Variants in H2BC12 observed in about 807,000 individuals in gnomAD.
H2BC12 encodes the protein H2B clustered histone 12.
A neutral mutation model predicts 6.3 loss-of-function variants in H2BC12; 6 were observed. The observed-to-expected ratio is 0.95, with a 90% CI of 0.52 to 1.87. The LOEUF (loss-of-function observed/expected upper bound fraction) is 1.87, where lower values mean the gene tolerates loss of function less well. Ranked by LOEUF, H2BC12 falls within the 40% of genes most tolerant of loss-of-function variation. H2BC12 has a pLI of 0.01. For synonymous variants in H2BC12, 132 were observed against 78.5 expected (o/e 1.68, Z -3.60); for missense variants, 119 against 178.4 (o/e 0.67, Z 1.90).
downstream of H2BC12, among the ~76,000 whole-genome samples, chr6:27,143,667 G>A (rs1760034435): frequency 6.6e-6 from 1 of 150,814 alleles, no homozygotes; most frequent in South Asian, 2.1e-4. Context: ...CCTAACCACA[G>A]TTAAATAAAC....
At chr6:27,141,261 AAG>A in the H2BC12 span, among the ~76,000 whole-genome samples, 1 of 152,182 alleles carries the variant, frequency 6.6e-6, no homozygotes, top group Non-Finnish European at 1.5e-5. Flanking sequence ...GAAAGGGTGA[AAG>A]AGGAAAGTAA....
At chr6:27,145,769 G>C (rs987357095), downstream of H2BC12, among the ~76,000 whole-genome samples, 2 of 152,304 alleles carry the variant, frequency 1.3e-5, no homozygotes, top group Middle Eastern at 6.8e-3. Context: ...ATGATTTCAT[G>C]TTCCGTTTCT....
In H2BC12 at chr6:27,146,425, G is replaced by A. The variant is rs1581435777; in HGVS notation, c.374C>T (p.Ala125Val). 2 of 1,614,240 alleles carry A rather than the reference G, an allele frequency of 1.2e-6. No individual in the cohort carries two copies. Among genetic ancestry groups the A allele is most frequent in the Non-Finnish European group, 1.7e-6 (2 of 1,180,040 alleles). Residue 125 changes from alanine to valine, a missense_variant, in exon 1 of 1, where the codon GCT (alanine) becomes GTT (valine). Ala to Val is a moderately conservative substitution (Grantham distance 64). Around this residue, in one of 2 missense-constraint regions of H2BC12, gnomAD observed 69 missense variants for 141.0 expected, o/e 0.49. Coordinates refer to ENST00000356950, the MANE Select transcript of H2BC12 (RefSeq NM_001312653.2). ...GACGCTTACTTGGCAAGTTTACTTA[G>A]CGCTGGTGTACTTGGTGACGGCCTT... is the stretch of plus-strand genomic sequence containing the variant. ...GTKAVTKYTSAK is the reference protein window; with the variant it reads ...GTKAVTKYTSVK
downstream of H2BC12, among the ~76,000 whole-genome samples, chr6:27,141,383 CAA>C (rs903897688): frequency 3.9e-5 from 6 of 151,972 alleles, no homozygotes; most frequent in African/African-American, 1.4e-4. Context: ...TTTAAAATGG[CAA>C]AAGAGGCCAA....
At chr6:27,139,310 T>C in the H2BC12 span, 10 of 1,605,594 alleles carry the variant, frequency 6.2e-6, no homozygotes, top group South Asian at 3.3e-5. Flanking sequence ...CACTTGATAA[T>C]GTCAGGACGC....
At chr6:27,143,653 A>G (rs550065123), downstream of H2BC12, among the ~76,000 whole-genome samples, 19 of 151,330 alleles carry the variant, frequency 1.3e-4, 1 homozygote, top group African/African-American at 4.6e-4. Flanking sequence ...ATGATTGCCA[A>G]GTCCCTAACC....
At position 27,146,658 on chromosome 6, in the gene H2BC12, C is replaced by T. The variant is rs781018142; in HGVS notation, c.141G>A (p.Lys47=). 9.9e-6 allele frequency: 16 copies of T among 1,614,154 alleles called. No homozygotes were observed. Among genetic ancestry groups the T allele is most frequent in the African/African-American group, 9.3e-5 (7 of 74,950 alleles). ...SYSVYVYKVL[K]QVHPDTGISS... ...AGATGCCGGTGTCGGGGTGGACCTG[C>T]TTCAGCACCTTGTACACGTATACGG... Residue 47 remains lysine (K), a synonymous_variant, in exon 1 of 1, where the codon AAG becomes AAA. Coordinates refer to ENST00000356950, the MANE Select transcript of H2BC12 (RefSeq NM_001312653.2).
At chr6:27,139,731 T>G in the H2BC12 span, 1 of 1,422,372 alleles carries the variant, frequency 7.0e-7, no homozygotes, top group Non-Finnish European at 9.4e-7. Flanking sequence ...AGGGCCATTG[T>G]CAGTGAGTTC....
the H2BC12 span, chr6:27,139,406 C>A: frequency 6.2e-7 from 1 of 1,614,238 alleles, no homozygotes; most frequent in Admixed American, 1.7e-5. Context: ...ATCACCAAGC[C>A]AGCCATTCGG....
At chr6:27,144,995 CTA>C (rs1363606400), downstream of H2BC12, among the ~76,000 whole-genome samples, 1 of 152,120 alleles carries the variant, frequency 6.6e-6, no homozygotes, top group Admixed American at 6.5e-5. Flanking sequence ...GGGTTTCACA[CTA>C]TGTTAGCCAT....
downstream of H2BC12, chr6:27,146,289 T>G (rs1038378616): frequency 6.9e-7 from 1 of 1,452,702 alleles, no homozygotes; most frequent in African/African-American, 1.4e-5. Context: ...ATCATGATAA[T>G]CCCTTTAAAA....
At chr6:27,140,690 A>C in the H2BC12 span, among the ~76,000 whole-genome samples, 1 of 151,930 alleles carries the variant, frequency 6.6e-6, no homozygotes, top group African/African-American at 2.4e-5. Flanking sequence ...AGTGCTTGAG[A>C]GTTATTGTTT....
downstream of H2BC12, among the ~76,000 whole-genome samples, chr6:27,145,304 AC>A (rs1434484658): frequency 7.9e-6 from 1 of 126,832 alleles, no homozygotes; most frequent in Non-Finnish European, 1.5e-5. Context: ...ATACACACAC[AC>A]ACACACACAC....
the H2BC12 span, chr6:27,139,368 C>T: frequency 3.1e-6 from 5 of 1,614,156 alleles, no homozygotes; most frequent in Non-Finnish European, 3.4e-6. Context: ...AGCGCCACCG[C>T]AAGGTGCTGC....
chr6:27,145,295 TACACACACACACACAC>T (rs57882884), downstream of H2BC12, among the ~76,000 whole-genome samples: 1,532 of 142,728 alleles, frequency 0.011, 25 homozygotes, highest in African/African-American at 0.036. Context: ...ATATGTTAAA[TACACACACACACACAC>T]ACACACACAC....
chr6:27,144,833 G>C (rs1054025701), downstream of H2BC12, among the ~76,000 whole-genome samples: 5 of 152,202 alleles, frequency 3.3e-5, no homozygotes, highest in African/African-American at 1.2e-4. Flanking sequence ...GTTTTGCTCT[G>C]TTGCCCAGGC....
the H2BC12 span, chr6:27,139,402 A>AAGCC: frequency 6.2e-7 from 1 of 1,614,204 alleles, no homozygotes; most frequent in Non-Finnish European, 8.5e-7. Flanking sequence ...GGGTATCACC[A>AAGCC]AGCCAGCCAT....
the H2BC12 span, chr6:27,139,198 G>A: frequency 9.6e-6 from 12 of 1,252,162 alleles, no homozygotes; most frequent in Admixed American, 2.7e-5. Flanking sequence ...CCCCAATGCA[G>A]AGGGACTTCC....
At chr6:27,139,114 G>T in the H2BC12 span, 1 of 529,714 alleles carries the variant, frequency 1.9e-6, no homozygotes, top group Non-Finnish European at 3.2e-6. Flanking sequence ...CCTAGGTCTT[G>T]AGGATTAAAA....
Sources: allele counts gnomAD v4.1 joint callset (sites outside exome capture counted in the v4.1 genomes callset), GRCh38; gene constraint gnomAD v4.1.1; regional missense constraint gnomAD v4.1.1; transcripts MANE v1.5; gene names NCBI Gene and HGNC (gene_info 2026-07-23, HGNC 2026-07-21).